The following FOCAD variants were observed in gnomAD, a reference collection of about 807,000 sequenced individuals.
The protein encoded by FOCAD is KIAA1797.
A neutral mutation model predicts 225.6 loss-of-function variants in FOCAD; 198 were observed. The ratio of observed to expected loss-of-function variants is 0.88; its 90% CI spans 0.78 to 0.99. FOCAD has a LOEUF of 0.99. FOCAD is among the 50% of genes least tolerant of loss of function. The pLI is 0.00. For missense variants in FOCAD, 2,713 were observed against 2,123.6 expected (o/e 1.28, Z -5.46); for synonymous variants, 897 against 755.0 (o/e 1.19, Z -3.08).
Position 20,986,341 on chromosome 9 carries a change from A to T in FOCAD, c.4782A>T (p.Arg1594=). The T allele has an allele frequency of 1.3e-6, 2 of 1,558,064 alleles. No individual in the cohort carries two copies. Among genetic ancestry groups the T allele is most frequent in the Non-Finnish European group, 1.7e-6 (2 of 1,154,816 alleles). ...AACTGTACTTAGTCTCTCAAGGACG[A>T]TTCCCCTTGGTGAACCTGACCGATA... ...FVKLYLVSQG[R]FPLVNLTDML... The change falls in exon 40 of 44, where the codon CGA becomes CGT. Residue 1594 remains arginine (R), a synonymous_variant. Coordinates refer to ENST00000338382, the MANE Select transcript of FOCAD (RefSeq NM_001375567.1).
chr9:20,780,800 A>C (rs1819284695), intron 9 of FOCAD, among the ~76,000 whole-genome samples: 1 of 152,208 alleles, frequency 6.6e-6, no homozygotes, highest in Non-Finnish European at 1.5e-5. Flanking sequence ...GATTTTCATA[A>C]TATCTCAGAA....
rs367680459 is a variant in FOCAD at position 20,720,365 on chromosome 9, C to T, written c.133-15C>T. 1.4e-5 allele frequency: 23 copies of T among 1,612,756 alleles called. No individual in the cohort carries two copies. Among genetic ancestry groups the T allele is most frequent in the Admixed American group, 1.2e-4 (7 of 59,920 alleles). ...GCTCATCAGAATTGTCTTCTAATCACTGGTTTGGTTTCAGACTCCTGCTTT... is the reference window on the plus strand; with the variant it reads ...GCTCATCAGAATTGTCTTCTAATCATTGGTTTGGTTTCAGACTCCTGCTTT... On this transcript the variant is annotated splice_polypyrimidine_tract_variant and intron_variant, in intron 3 of 43. Coordinates refer to ENST00000338382, the MANE Select transcript of FOCAD (RefSeq NM_001375567.1).
At chr9:20,967,613 GTA>G (rs1839383602) in intron 35 of FOCAD, among the ~76,000 whole-genome samples, 1 of 152,084 alleles carries the variant, frequency 6.6e-6, no homozygotes, top group African/African-American at 2.4e-5. Flanking sequence ...TCACCATTGA[GTA>G]TGATTTAACT....
chr9:20,806,884 C>T (rs1418918594), intron 11 of FOCAD, among the ~76,000 whole-genome samples: 3 of 152,204 alleles, frequency 2.0e-5, no homozygotes, highest in Non-Finnish European at 2.9e-5. Flanking sequence ...TAATAACGTA[C>T]GATAACAGGC....
intron 5 of FOCAD, among the ~76,000 whole-genome samples, chr9:20,747,983 C>G (rs1484503197): frequency 6.6e-6 from 1 of 151,928 alleles, no homozygotes; most frequent in Non-Finnish European, 1.5e-5. Flanking sequence ...TGCTCATCCT[C>G]TAACTCTTAA....
At chr9:20,983,301 C>T (rs1423775619) in intron 39 of FOCAD, among the ~76,000 whole-genome samples, 4 of 151,904 alleles carry the variant, frequency 2.6e-5, no homozygotes, top group South Asian at 2.1e-4. Context: ...GGGCCAGGTG[C>T]GGTGGCTCAC....
intron 35 of FOCAD, among the ~76,000 whole-genome samples, chr9:20,969,965 G>C (rs1486640186): frequency 1.4e-5 from 2 of 145,396 alleles, no homozygotes; most frequent in African/African-American, 5.0e-5. Context: ...TTATAGTTTT[G>C]TTGGATACAG....
chr9:20,691,495 T>G (rs1054316325), intron 1 of FOCAD, among the ~76,000 whole-genome samples: 24 of 151,910 alleles, frequency 1.6e-4, no homozygotes, highest in African/African-American at 5.8e-4. Flanking sequence ...TTATTATTAT[T>G]TTTTGAGATG....
chr9:20,805,644 G>A (rs895316852), intron 11 of FOCAD, among the ~76,000 whole-genome samples: 5 of 151,878 alleles, frequency 3.3e-5, no homozygotes, highest in African/African-American at 1.2e-4. Flanking sequence ...ATATGGAACT[G>A]TTAACAGTGA....
intron 5 of FOCAD, among the ~76,000 whole-genome samples, chr9:20,752,678 T>A (rs1299665628): frequency 2.0e-5 from 3 of 152,158 alleles, no homozygotes; most frequent in African/African-American, 7.2e-5. Flanking sequence ...TAAAGTAGTT[T>A]TTTCCAATTC....
chr9:20,771,556 C>T (rs1279133775), intron 8 of FOCAD, among the ~76,000 whole-genome samples: 1 of 152,056 alleles, frequency 6.6e-6, no homozygotes, highest in South Asian at 2.1e-4. Context: ...GCCAGGAGTT[C>T]GAGAGCAGCC....
In FOCAD at chr9:20,715,326, T is replaced by C. The variant is rs765707098; in HGVS notation, c.-28T>C. 8 of 1,469,498 alleles carry C rather than the reference T, an allele frequency of 5.4e-6. No individual in the cohort carries two copies. In the Admixed American group the frequency reaches 1.4e-4, roughly 26 times the overall value. 91.0% of individuals were successfully genotyped at this position (1,469,498 alleles called of 1,614,324 possible). ...ATTCTTTTGTTTTGGTTACAGAAGC[T>C]GCACACATACATGTAAGAGAAGCAA... On this transcript the variant is annotated 5_prime_UTR_variant, in exon 2 of 44. Coordinates refer to ENST00000338382, the MANE Select transcript of FOCAD (RefSeq NM_001375567.1).
rs1293566080 is a variant in FOCAD, at chr9:20,844,064, A to G, written c.1921-18514A>G. ...GAAAAGTTAAACATAGAGTTACTAT[A>G]TGACCCAAAAAGCCCATTTCTAGGA... On this transcript the variant is annotated intron_variant, in intron 15 of 43. Coordinates refer to ENST00000338382, the MANE Select transcript of FOCAD (RefSeq NM_001375567.1). Among the ~76,000 whole-genome samples, 4 of 152,266 alleles carry G rather than the reference A, an allele frequency of 2.6e-5. No homozygotes were observed. In the East Asian group the frequency reaches 5.8e-4, roughly 22 times the overall value.
At chr9:20,801,435 G>A (rs548879684) in intron 11 of FOCAD, among the ~76,000 whole-genome samples, 26 of 152,206 alleles carry the variant, frequency 1.7e-4, no homozygotes, top group African/African-American at 5.5e-4. Context: ...ACCTGCCTTG[G>A]CCTCCCAAAG....
intron 2 of FOCAD, among the ~76,000 whole-genome samples, chr9:20,676,511 AT>A (rs1294883324): frequency 5.9e-5 from 9 of 152,226 alleles, no homozygotes; most frequent in Admixed American, 5.2e-4. Flanking sequence ...CAAAACTCAC[AT>A]TATGGTAAAG....
chr9:20,951,807 T>A (rs1837711436), intron 34 of FOCAD, among the ~76,000 whole-genome samples: 1 of 152,200 alleles, frequency 6.6e-6, no homozygotes, highest in Admixed American at 6.5e-5. Flanking sequence ...ATCTGCTCCT[T>A]GCTCTTTATA....
intron 15 of FOCAD, among the ~76,000 whole-genome samples, chr9:20,829,464 C>A (rs1825270094): frequency 6.6e-6 from 1 of 151,532 alleles, no homozygotes; most frequent in Non-Finnish European, 1.5e-5. Flanking sequence ...AAGTGATATC[C>A]CATGTAGTTT....
chr9:20,683,633 G>C (rs1716105708), upstream of FOCAD: 1 of 152,100 alleles, frequency 6.6e-6, no homozygotes, highest in African/African-American at 2.4e-5. Context: ...ATTCCCCCCA[G>C]ATTAGATCAG....
chr9:20,984,010 T>G lies in FOCAD; in HGVS notation c.4728+1564T>G, dbSNP rs13299101. 6.0e-3 allele frequency among the ~76,000 whole-genome samples: 921 copies of G among 152,358 alleles called. 2 individuals are homozygous for G. The highest frequency in any genetic ancestry group is 0.01 in the Middle Eastern group (3 of 294). On this transcript the variant is annotated intron_variant, in intron 39 of 43. Coordinates refer to ENST00000338382, the MANE Select transcript of FOCAD (RefSeq NM_001375567.1). ...GAAGGTTGCTGTTACTCGCTTGAGTTTCTACCTAAAATACCATTCAGAACA... is the reference window on the plus strand; with the variant it reads ...GAAGGTTGCTGTTACTCGCTTGAGTGTCTACCTAAAATACCATTCAGAACA...
Sources: gnomAD v4.1 joint callset for allele counts (sites outside exome capture counted in the v4.1 genomes callset) on GRCh38, gnomAD v4.1.1 for gene constraint, MANE v1.5 for transcripts, NCBI Gene and HGNC (gene_info 2026-07-23, HGNC 2026-07-21) for gene names.